The following AGBL1 variants were observed in gnomAD, a reference collection of about 807,000 sequenced individuals.
AGBL1 encodes cytosolic carboxypeptidase 4.
Under a neutral mutation model 118.9 loss-of-function variants are expected in AGBL1, and 130 were observed. That is an observed-to-expected ratio of 1.09 (90% confidence interval 0.95 to 1.26). The LOEUF (loss-of-function observed/expected upper bound fraction) is 1.26, where lower values mean the gene tolerates loss of function less well. AGBL1 is among the 50% of genes most tolerant of loss of function. AGBL1 has a pLI of 0.00. For missense variants in AGBL1, 1,584 were observed against 1,298.1 expected, an observed-to-expected ratio of 1.22 and a Z score of -3.38; for synonymous variants, 555 against 478.9, an observed-to-expected ratio of 1.16 and a Z score of -2.08.
At chr15:86,942,959 C>G (rs370520302) in intron 23 of AGBL1, among the ~76,000 whole-genome samples, 134 of 152,296 alleles carry the variant, frequency 8.8e-4, no homozygotes, top group Middle Eastern at 3.4e-3. Flanking sequence ...TCACTTTTCA[C>G]TGTAAAAAAT....
chr15:86,616,339 CAAAAAAAAAAAA>C (rs199936794), intron 21 of AGBL1, among the ~76,000 whole-genome samples: 17 of 49,300 alleles, frequency 3.4e-4, no homozygotes, highest in African/African-American at 1.1e-3. Flanking sequence ...TCCTCCACTT[CAAAAAAAAAAAA>C]AAAAAAAAAA....
intron 1 of AGBL1, among the ~76,000 whole-genome samples, chr15:86,113,962 A>T (rs749901689): frequency 7.2e-5 from 11 of 152,220 alleles, no homozygotes; most frequent in Admixed American, 5.9e-4. Context: ...GAAAATACTG[A>T]TAATTACTGT....
Position 86,930,883 on chromosome 15 carries a change from G to A in AGBL1, c.3222-57104G>A, listed in dbSNP as rs531571342. Among the ~76,000 whole-genome samples, 4 of 152,278 alleles carry A rather than the reference G, an allele frequency of 2.6e-5. No individual in the cohort carries two copies. The South Asian group carries it at 8.3e-4, about 32-fold the overall frequency. On this transcript the variant is annotated intron_variant, in intron 23 of 24. Coordinates refer to the AGBL1 transcript ENST00000441037. ...ATAGTGGCTTAAAACAATAGTCAAG[G>A]AAGTTAGAGTTGCGAGATGTCTGAT...
rs940665779 is a variant in AGBL1 at position 86,674,451 on chromosome 15, A to G, written c.3158+15A>G. On this transcript the variant is annotated intron_variant, in intron 22 of 22. Coordinates refer to ENST00000614907, the MANE Select transcript of AGBL1 (RefSeq NM_001386094.1). The stretch of plus-strand genomic sequence containing the variant: ...CACCTCCAACGGTAAGATGCTCCCA[A>G]GGGCTCAGAGAAATTTGGACCTTGG... The G allele has an allele frequency of 1.3e-6, 2 of 1,594,382 alleles. No homozygotes were observed. The highest frequency in any genetic ancestry group is 1.7e-6 in the Non-Finnish European group (2 of 1,165,520).
At chr15:86,450,720 C>T (rs570182217) in intron 18 of AGBL1, among the ~76,000 whole-genome samples, 19 of 152,284 alleles carry the variant, frequency 1.2e-4, no homozygotes, top group African/African-American at 4.6e-4. Context: ...TAATTCACTT[C>T]TTTGAGCCTC....
intron 22 of AGBL1, among the ~76,000 whole-genome samples, chr15:86,774,311 A>G (rs1156909669): frequency 2.6e-5 from 4 of 152,142 alleles, no homozygotes; most frequent in Non-Finnish European, 4.4e-5. Context: ...TCTGGCATAT[A>G]ATTACAATAG....
intron 23 of AGBL1, among the ~76,000 whole-genome samples, chr15:86,930,167 T>A (rs13379954): frequency 3.6e-4 from 55 of 152,276 alleles, no homozygotes; most frequent in African/African-American, 1.1e-3. Context: ...ATATAACGAA[T>A]ATCACTGGAA....
At position 86,564,639 on chromosome 15, in the gene AGBL1, G is replaced by A. The variant is rs563102156; in HGVS notation, c.2994+10102G>A. 7.2e-5 allele frequency among the ~76,000 whole-genome samples: 11 copies of A among 152,222 alleles called. No individual in the cohort carries two copies. In the South Asian group the frequency reaches 2.3e-3, roughly 32 times the overall value. ...GTTGCTCTTCTCAAGGAATATCTTT[G>A]TGGCGTTCTCTGTATTTCATGAATT... On this transcript the variant is annotated intron_variant, in intron 21 of 22. Transcript: ENST00000614907.
At chr15:86,543,324 G>A (rs904484744) in intron 19 of AGBL1, among the ~76,000 whole-genome samples, 3 of 152,018 alleles carry the variant, frequency 2.0e-5, no homozygotes, top group East Asian at 1.9e-4. Context: ...TTTATAATAC[G>A]ATTGTGATAC....
chr15:86,091,322 A>T (rs887536883), intron 1 of AGBL1, among the ~76,000 whole-genome samples: 1 of 152,172 alleles, frequency 6.6e-6, no homozygotes, highest in Non-Finnish European at 1.5e-5. Context: ...GTCTGATGTC[A>T]GGAAGAAAGA....
At chr15:86,207,738 T>C (rs1183101815) in intron 5 of AGBL1, among the ~76,000 whole-genome samples, 2 of 152,216 alleles carry the variant, frequency 1.3e-5, no homozygotes, top group African/African-American at 2.4e-5. Context: ...TTTCTAAATA[T>C]ACAATTGTGT....
intron 17 of AGBL1, among the ~76,000 whole-genome samples, chr15:86,335,943 C>T (rs1231569842): frequency 6.6e-6 from 1 of 152,216 alleles, no homozygotes; most frequent in Non-Finnish European, 1.5e-5. Context: ...CGATAAGCTT[C>T]AATCATCAGC....
At chr15:86,106,497 C>G (rs565442469) in intron 1 of AGBL1, among the ~76,000 whole-genome samples, 23 of 152,300 alleles carry the variant, frequency 1.5e-4, no homozygotes, top group African/African-American at 5.1e-4. Flanking sequence ...AATTTTGCCC[C>G]CAGGGGATGT....
intron 21 of AGBL1, among the ~76,000 whole-genome samples, chr15:86,626,083 G>A (rs1040942029): frequency 7.6e-4 from 115 of 152,306 alleles, no homozygotes; most frequent in African/African-American, 2.7e-3. Flanking sequence ...GCATTTGATT[G>A]TGGAAGACAG....
At chr15:86,117,713 C>A (rs922612078) in intron 1 of AGBL1, among the ~76,000 whole-genome samples, 1 of 152,172 alleles carries the variant, frequency 6.6e-6, no homozygotes, top group Non-Finnish European at 1.5e-5. Context: ...TCAAATGGGA[C>A]ACGTCATCCT....
intron 1 of AGBL1, among the ~76,000 whole-genome samples, chr15:86,116,231 A>T (rs1367381356): frequency 6.6e-6 from 1 of 152,222 alleles, no homozygotes; most frequent in Non-Finnish European, 1.5e-5. Context: ...ATCGAGAACA[A>T]AAATGTAAGG....
chr15:86,343,780 A>T (rs1250554975), intron 17 of AGBL1, among the ~76,000 whole-genome samples: 2 of 152,096 alleles, frequency 1.3e-5, no homozygotes, highest in Non-Finnish European at 2.9e-5. Flanking sequence ...AGAGAAATTC[A>T]TCTCTTTCTC....
At chr15:86,924,496 T>C (rs2080511183) in intron 23 of AGBL1, among the ~76,000 whole-genome samples, 1 of 152,238 alleles carries the variant, frequency 6.6e-6, no homozygotes, top group African/African-American at 2.4e-5. Context: ...CTGTTAATCA[T>C]GACCTGGAAA....
At chr15:86,739,524 G>A (rs1160072191) in intron 22 of AGBL1, among the ~76,000 whole-genome samples, 1 of 148,620 alleles carries the variant, frequency 6.7e-6, no homozygotes, top group African/African-American at 2.5e-5. Flanking sequence ...TTTTTTTTCG[G>A]GGGGAGCAAG....
Sources: allele counts gnomAD v4.1 joint callset (sites outside exome capture counted in the v4.1 genomes callset), GRCh38; gene constraint gnomAD v4.1.1; transcripts MANE v1.5; gene names NCBI Gene and HGNC (gene_info 2026-07-23, HGNC 2026-07-21).